Variants in MTTP observed in about 807,000 individuals in gnomAD.
MTTP encodes microsomal triglyceride transfer protein large subunit.
Under a neutral mutation model 90.6 loss-of-function variants are expected in MTTP, and 49 were observed. That is an observed-to-expected ratio of 0.54 (90% confidence interval 0.43 to 0.69). The LOEUF (loss-of-function observed/expected upper bound fraction) is 0.69, where lower values mean the gene tolerates loss of function less well. Among genes scored for constraint, MTTP ranks in the 30% least tolerant of loss-of-function variants. The probability of loss-of-function intolerance (pLI) is 0.00; values close to 1 mark genes in which losing one functional copy is unlikely to be tolerated. For missense variants in MTTP, 945 were observed against 1,067.5 expected, an observed-to-expected ratio of 0.89 and a Z score of 1.60; for synonymous variants, 347 against 384.2, an observed-to-expected ratio of 0.90 and a Z score of 1.13.
intron 15 of MTTP, 115 bp from the exon 16 acceptor site, chr4:99,618,859 C>A: frequency 1.4e-6 from 2 of 1,391,336 alleles, no homozygotes; most frequent in Non-Finnish European, 2.0e-6. Context: ...ACTCCAACAT[C>A]AACACAACTC....
chr4:99,608,870 C>T lies in MTTP; in HGVS notation c.1662C>T (p.Tyr554=), dbSNP rs1383256536. Residue 554 remains tyrosine, a synonymous_variant, in exon 12 of 18, where the codon TAC becomes TAT. Coordinates refer to ENST00000265517, the MANE Select transcript of MTTP (RefSeq NM_001386140.1). ...AAIILNNNPS[Y]MDVKNILLSI... The stretch of plus-strand genomic sequence containing the variant: ...TCATTTTAAATAACAATCCATCCTA[C>T]ATGGACGTCAAGAACATCCTGCTGT... 4 of 1,613,956 alleles carry T rather than the reference C, an allele frequency of 2.5e-6. No homozygotes were observed. The highest frequency in any genetic ancestry group is 2.5e-6 in the Non-Finnish European group (3 of 1,179,930).
chr4:99,601,519 C>G, intron 9 of MTTP, 88 bp from the exon 10 acceptor site: 2 of 1,026,548 alleles, frequency 1.9e-6, no homozygotes, highest in Non-Finnish European at 3.0e-6. Context: ...AATACTTTAC[C>G]AAGTATGTGT....
chr4:99,613,011 C>T lies in MTTP; in HGVS notation c.2088C>T (p.Leu696=), dbSNP rs1279648510. 1 of 1,614,100 alleles carries T rather than the reference C, an allele frequency of 6.2e-7. No individual in the cohort carries two copies. The highest frequency in any genetic ancestry group is 8.5e-7 in the Non-Finnish European group (1 of 1,179,968). Residue 696 remains leucine (L), a synonymous_variant, in exon 15 of 18, where the codon CTC becomes CTT. Coordinates refer to ENST00000265517, the MANE Select transcript of MTTP (RefSeq NM_001386140.1). ...LDSYAGMSAI[L]FDVQLRPVTF... ...CCTATGCTGGTATGTCAGCCATCCTCTTTGATGTTCAGCTCAGACCTGTCA... is the reference window on the plus strand; with the variant it reads ...CCTATGCTGGTATGTCAGCCATCCTTTTTGATGTTCAGCTCAGACCTGTCA...
rs1465083646 is a variant in MTTP, at chr4:99,591,314, G to T, written c.581G>T (p.Cys194Phe). 6.2e-7 allele frequency: 1 copy of T among 1,613,928 alleles called. No homozygotes were observed. Among genetic ancestry groups the T allele is most frequent in the Non-Finnish European group, 8.5e-7 (1 of 1,179,842 alleles). ...ATCAAAATTAAGGCCTTGGATTCAT[G>T]CAAAATAGCGAGGTCTGGATTTACG... ...KVIKIKALDS[C>F]KIARSGFTTP... The change falls in exon 5 of 18, where the codon TGC (cysteine) becomes TTC (phenylalanine). Residue 194 changes from cysteine (C) to phenylalanine (F), a missense_variant. Coordinates refer to ENST00000265517, the MANE Select transcript of MTTP (RefSeq NM_001386140.1).
chr4:99,621,637 TA>T (rs1392420542), intron 17 of MTTP, among the ~76,000 whole-genome samples: 1 of 152,204 alleles, frequency 6.6e-6, no homozygotes, highest in Non-Finnish European at 1.5e-5. Context: ...TTACCATGTT[TA>T]AGGGCCAAAA....
upstream of MTTP, among the ~76,000 whole-genome samples, chr4:99,572,548 AAT>A (rs1379458139): frequency 6.6e-6 from 1 of 152,038 alleles, no homozygotes; most frequent in Non-Finnish European, 1.5e-5. Context: ...TCATTTTTCT[AAT>A]ATGTCAAATG....
chr4:99,586,382 C>T (rs1223916955), intron 3 of MTTP, among the ~76,000 whole-genome samples: 1 of 152,070 alleles, frequency 6.6e-6, no homozygotes, highest in Non-Finnish European at 1.5e-5. Context: ...CTCCAATTAA[C>T]TGGATAATTA....
intron 15 of MTTP, among the ~76,000 whole-genome samples, chr4:99,615,117 G>A (rs1222786158): frequency 6.6e-6 from 1 of 152,190 alleles, no homozygotes; most frequent in Non-Finnish European, 1.5e-5. Context: ...CAATGCCTGA[G>A]GATTTGAATC....
chr4:99,572,740 C>T (rs966115645), upstream of MTTP, among the ~76,000 whole-genome samples: 1 of 151,810 alleles, frequency 6.6e-6, no homozygotes, highest in African/African-American at 2.4e-5. Flanking sequence ...TTGCTGTGGA[C>T]GATCAACAGT....
upstream of MTTP, among the ~76,000 whole-genome samples, chr4:99,574,039 C>T (rs550694629): frequency 6.6e-6 from 1 of 152,254 alleles, no homozygotes; most frequent in African/African-American, 2.4e-5. Flanking sequence ...CAGAAGTTTT[C>T]TAATTAATAT....
chr4:99,595,368 G>C, intron 7 of MTTP: 1 of 177,174 alleles, frequency 5.6e-6, no homozygotes, highest in Non-Finnish European at 1.2e-5. Context: ...TACAATTCCT[G>C]TCAGAAATGC....
At chr4:99,583,076 A>C (rs974493292) in intron 2 of MTTP, among the ~76,000 whole-genome samples, 2 of 152,188 alleles carry the variant, frequency 1.3e-5, no homozygotes, top group Non-Finnish European at 2.9e-5. Context: ...AACCACAAAA[A>C]ACAAATGAAG....
chr4:99,619,985 T>C (rs987227363), intron 16 of MTTP, among the ~76,000 whole-genome samples: 2 of 152,214 alleles, frequency 1.3e-5, no homozygotes, highest in African/African-American at 2.4e-5. Flanking sequence ...TGAAATGGAA[T>C]TGAATTCTTT....
intron 15 of MTTP, among the ~76,000 whole-genome samples, chr4:99,615,785 G>C (rs1254985534): frequency 1.3e-5 from 2 of 152,326 alleles, no homozygotes; most frequent in East Asian, 3.9e-4. Context: ...TCTTTAGCCA[G>C]TAAAGAACAT....
chr4:99,613,257 T>C, intron 15 of MTTP, 117 bp downstream of exon 15: 1 of 857,324 alleles, frequency 1.2e-6, no homozygotes, highest in Admixed American at 2.0e-5. Context: ...GGAGCTCATA[T>C]TCCAAGCACT....
Position 99,621,040 on chromosome 4 carries a change from CT to C in MTTP, c.2343-14del. 6.2e-7 allele frequency: 1 copy of C among 1,611,566 alleles called. No individual in the cohort carries two copies. The highest frequency in any genetic ancestry group is 1.1e-5 in the South Asian group (1 of 90,982). ...TAAATATAATATGAACAAGTTTTTT[CT>C]TTTTTTCTCAAATGTTTAGGGTGAC... On this transcript the variant is annotated intron_variant, in intron 16 of 17. Transcript: ENST00000265517.
intron 1 of MTTP, among the ~76,000 whole-genome samples, chr4:99,577,476 A>G (rs566199512): frequency 1.1e-4 from 16 of 152,040 alleles, no homozygotes; most frequent in Admixed American, 9.8e-4. Flanking sequence ...ATGGTAGCGC[A>G]TGCCTGTAAT....
intron 6 of MTTP, among the ~76,000 whole-genome samples, chr4:99,593,392 T>TA (rs144358669): frequency 0.069 from 10,556 of 152,042 alleles, 545 homozygotes; most frequent in Middle Eastern, 0.13. Flanking sequence ...TAAGAGTTTT[T>TA]AAAAAAAATT....
intron 4 of MTTP, 29 bp downstream of exon 4, chr4:99,589,779 C>G (rs1725370042): frequency 7.5e-7 from 1 of 1,339,474 alleles, no homozygotes; most frequent in East Asian, 2.3e-5. Context: ...AAGGATTCAG[C>G]ATCTCAATAA....
Sources: gnomAD v4.1 joint callset for allele counts (sites outside exome capture counted in the v4.1 genomes callset) on GRCh38, gnomAD v4.1.1 for gene constraint, MANE v1.5 for transcripts, NCBI Gene and HGNC (gene_info 2026-07-23, HGNC 2026-07-21) for gene names.